The following ZNF382 variants were observed in gnomAD, a reference collection of about 807,000 sequenced individuals.
The protein encoded by ZNF382 is zinc finger protein 382.
A neutral mutation model predicts 38.8 loss-of-function variants in ZNF382; 20 were observed. The observed-to-expected ratio is 0.51, with a 90% CI of 0.36 to 0.75. The LOEUF is 0.75. Ranked by LOEUF, ZNF382 falls within the 30% of genes least tolerant of loss-of-function variation. The pLI is 0.00. For missense variants in ZNF382, 546 were observed against 654.1 expected (o/e 0.83, Z 1.80); for synonymous variants, 202 against 223.1 (o/e 0.91, Z 0.84).
chr19:36,610,812 A>T (rs1177999670), intron 4 of ZNF382, 70 bp downstream of exon 4: 36 of 1,215,726 alleles, frequency 3.0e-5, no homozygotes, highest in Non-Finnish European at 3.9e-5. Flanking sequence ...GTTTTTAGGG[A>T]TCTATTTTTG....
chr19:36,614,920 TTTC>T (rs2037111432), intron 4 of ZNF382, among the ~76,000 whole-genome samples: 1 of 57,514 alleles, frequency 1.7e-5, no homozygotes, highest in African/African-American at 7.7e-5. Flanking sequence ...TTTCCTTCCC[TTTC>T]CCTTTCCCTT....
rs925276045 is a variant in ZNF382 at position 36,628,592 on chromosome 19, T to C, written c.*1042T>C. ...AATGTAATAAACGTGACATTGCCGT[T>C]AGCCACAGTAAATGCCTTATTTGAA... On this transcript the variant is annotated 3_prime_UTR_variant, in exon 5 of 5. Transcript: ENST00000292928. The C allele has an allele frequency of 6.5e-6, 1 of 152,682 alleles. No homozygotes were observed. The highest frequency in any genetic ancestry group is 1.5e-5 in the Non-Finnish European group (1 of 68,054). The allele number at this position is 152,682 out of a possible 1,614,324, so 9.5% of individuals were successfully genotyped here. A position where few individuals can be genotyped will look rare whatever the true frequency, so the allele number is the denominator to read the frequency against.
chr19:36,629,928 A>C lies in ZNF382; in HGVS notation c.*2378A>C, dbSNP rs1298781053. 6.6e-6 allele frequency: 1 copy of C among 152,198 alleles called. No homozygotes were observed. The highest frequency in any genetic ancestry group is 1.5e-5 in the Non-Finnish European group (1 of 68,048). 9.4% of individuals were successfully genotyped at this position (152,198 alleles called of 1,614,324 possible). A position where few individuals can be genotyped will look rare whatever the true frequency, so the allele number is the denominator to read the frequency against. On this transcript the variant is annotated 3_prime_UTR_variant, in exon 5 of 5. Coordinates refer to ENST00000292928, the MANE Select transcript of ZNF382 (RefSeq NM_032825.5). The stretch of plus-strand genomic sequence containing the variant: ...TAACAGAGCGAGACCCTGTCTCATA[A>C]ATAAATAAATACATAAAGGTGTAAA...
intron 4 of ZNF382, among the ~76,000 whole-genome samples, chr19:36,621,792 T>A (rs1016104901): frequency 7.9e-5 from 12 of 152,212 alleles, no homozygotes; most frequent in African/African-American, 2.9e-4. Flanking sequence ...TTTAGTATCC[T>A]TGGGGATTTC....
chr19:36,612,245 A>C (rs2037083480), intron 4 of ZNF382, among the ~76,000 whole-genome samples: 1 of 151,974 alleles, frequency 6.6e-6, no homozygotes, highest in South Asian at 2.1e-4. Context: ...GCTTTCTTTC[A>C]CTCAGCTTCA....
rs1241394374 is a variant in ZNF382, at chr19:36,627,128, A to G, written c.1231A>G (p.Asn411Asp). Residue 411 changes from asparagine to aspartate, a missense_variant, in exon 5 of 5, where the codon AAT (asparagine) becomes GAT (aspartate). Coordinates refer to ENST00000292928, the MANE Select transcript of ZNF382 (RefSeq NM_032825.5). ...CACAGGAGAGAAACCGTATCAGTGTAATGAGTGTGGGAAGGCATTTATCCA... is the reference window on the plus strand; with the variant it reads ...CACAGGAGAGAAACCGTATCAGTGTGATGAGTGTGGGAAGGCATTTATCCA... Reference protein sequence around the residue: ...THTGEKPYQCNECGKAFIQKT... With the variant: ...THTGEKPYQCDECGKAFIQKT... The G allele has an allele frequency of 1.2e-6, 2 of 1,614,046 alleles. No homozygotes were observed. The highest frequency in any genetic ancestry group is 2.7e-5 in the African/African-American group (2 of 74,920).
rs371799404 is a variant in ZNF382, at chr19:36,610,733, A to G, written c.223A>G (p.Ser75Gly). The change falls in exon 4 of 5, where the codon AGC becomes GGC. Residue 75 changes from serine to glycine, a missense_variant. Coordinates refer to ENST00000292928, the MANE Select transcript of ZNF382 (RefSeq NM_032825.5). ...GACACAGAGAATTTTTCCAAGTTAC[A>G]GCTACCTAGGTGAGTCTATAAATGA... The part of the protein sequence containing the change: ...LWTQRIFPSY[S>G]YLEEDGKTED... 22 of 1,612,300 alleles carry G rather than the reference A, an allele frequency of 1.4e-5. No homozygotes were observed. The highest frequency in any genetic ancestry group is 1.6e-5 in the Non-Finnish European group (19 of 1,178,714).
At position 36,624,122 on chromosome 19, in the gene ZNF382, A is replaced by T. The variant is rs1363683703; in HGVS notation, c.233-2008A>T. On this transcript the variant is annotated intron_variant, in intron 4 of 4. Coordinates refer to ENST00000292928, the MANE Select transcript of ZNF382 (RefSeq NM_032825.5). ...AAAGGAAAGACTATGTGAAAACTTT[A>T]TGAAAAATCGGATAGTAGCATATAC... 5.9e-5 allele frequency among the ~76,000 whole-genome samples: 9 copies of T among 152,234 alleles called. No individual in the cohort carries two copies. The East Asian group carries it at 1.7e-3, about 29-fold the overall frequency.
chr19:36,606,434 C>A (rs1271898861), intron 1 of ZNF382, among the ~76,000 whole-genome samples: 2 of 151,620 alleles, frequency 1.3e-5, no homozygotes, highest in African/African-American at 4.8e-5. Flanking sequence ...CTGCTCACTG[C>A]CACCTCTACC....
Position 36,627,529 on chromosome 19 carries a change from A to G in ZNF382, c.1632A>G (p.Val544=). ...TTGTCCATCAGAAAACTCACAAGGT[A>G]GAAACCACGGGAATTCAGTAAGTAA... The part of the protein sequence containing the change: ...NLIVHQKTHK[V]ETTGIQ The change falls in exon 5 of 5, where the codon GTA becomes GTG. Residue 544 remains valine (V), a synonymous_variant. Coordinates refer to ENST00000292928, the MANE Select transcript of ZNF382 (RefSeq NM_032825.5). 6.2e-7 allele frequency: 1 copy of G among 1,610,986 alleles called. No homozygotes were observed. Among genetic ancestry groups the G allele is most frequent in the Non-Finnish European group, 8.5e-7 (1 of 1,177,406 alleles).
rs1213550652 is a variant in ZNF382 at position 36,631,937 on chromosome 19, A to C, written c.*4387A>C. The C allele has an allele frequency of 6.6e-6, 1 of 152,220 alleles. No homozygotes were observed. The highest frequency in any genetic ancestry group is 1.5e-5 in the Non-Finnish European group (1 of 68,048). 9.4% of individuals were successfully genotyped at this position (152,220 alleles called of 1,614,324 possible). A position where few individuals can be genotyped will look rare whatever the true frequency, so the allele number is the denominator to read the frequency against. On this transcript the variant is annotated 3_prime_UTR_variant, in exon 5 of 5. Coordinates refer to ENST00000292928, the MANE Select transcript of ZNF382 (RefSeq NM_032825.5). ...CATAAGGCATATGCAAAATGAGTTCATCAGTTCAGAGGACTAACAGGACTC... is the reference window on the plus strand; with the variant it reads ...CATAAGGCATATGCAAAATGAGTTCCTCAGTTCAGAGGACTAACAGGACTC...
At position 36,626,124 on chromosome 19, in the gene ZNF382, T is replaced by C; in HGVS notation, c.233-6T>C. 2.0e-6 allele frequency: 3 copies of C among 1,531,858 alleles called. No individual in the cohort carries two copies. The highest frequency in any genetic ancestry group is 2.6e-6 in the Non-Finnish European group (3 of 1,146,330). 94.9% of individuals were successfully genotyped at this position (1,531,858 alleles called of 1,614,324 possible). A position where few individuals can be genotyped will look rare whatever the true frequency, so the allele number is the denominator to read the frequency against. On this transcript the variant is annotated splice_region_variant and splice_polypyrimidine_tract_variant and intron_variant, in intron 4 of 4. Coordinates refer to ENST00000292928, the MANE Select transcript of ZNF382 (RefSeq NM_032825.5). ...GACTCACAGTGTTAATGGTATTCTT[T>C]TCTAGAAGAAGATGGGAAAACTGAA...
intron 4 of ZNF382, among the ~76,000 whole-genome samples, chr19:36,624,516 A>G (rs2037194478): frequency 6.6e-6 from 1 of 152,236 alleles, no homozygotes; most frequent in Non-Finnish European, 1.5e-5. Flanking sequence ...CAATAGTAAG[A>G]TATACAATAA....
At chr19:36,625,204 GAAT>G (rs2037202675) in intron 4 of ZNF382, among the ~76,000 whole-genome samples, 1 of 144,014 alleles carries the variant, frequency 6.9e-6, no homozygotes, top group Non-Finnish European at 1.5e-5. Context: ...TTCCTCATGG[GAAT>G]ATGTTTTCCA....
chr19:36,634,104 G>A lies in ZNF382; in HGVS notation c.*6554G>A, dbSNP rs2037271401. 6.6e-6 allele frequency: 1 copy of A among 152,066 alleles called. No individual in the cohort carries two copies. Among genetic ancestry groups the A allele is most frequent in the African/African-American group, 2.4e-5 (1 of 41,390 alleles). 9.4% of individuals were successfully genotyped at this position (152,066 alleles called of 1,614,324 possible). A position where few individuals can be genotyped will look rare whatever the true frequency, so the allele number is the denominator to read the frequency against. On this transcript the variant is annotated 3_prime_UTR_variant, in exon 5 of 5. Coordinates refer to ENST00000292928, the MANE Select transcript of ZNF382 (RefSeq NM_032825.5). ...TTTTTTAAATAAATAAAAATCCCTA[G>A]CTCTGCTTCATCAGCAGCAGTACCT... is the stretch of plus-strand genomic sequence containing the variant.
Position 36,629,161 on chromosome 19 carries a change from A to T in ZNF382, c.*1611A>T, listed in dbSNP as rs2037237617. 1 of 152,118 alleles carries T rather than the reference A, an allele frequency of 6.6e-6. No homozygotes were observed. Among genetic ancestry groups the T allele is most frequent in the Admixed American group, 6.6e-5 (1 of 15,238 alleles). 9.4% of individuals were successfully genotyped at this position (152,118 alleles called of 1,614,324 possible). Reference sequence around the variant, plus strand: ...TTTTTAGTAGAGACAGGGTTTCATCATGTTGGCCAGGCTGGTCTCGAACTC... The same window carrying T: ...TTTTTAGTAGAGACAGGGTTTCATCTTGTTGGCCAGGCTGGTCTCGAACTC... On this transcript the variant is annotated 3_prime_UTR_variant, in exon 5 of 5. Transcript: ENST00000292928.
At chr19:36,609,803 T>C in intron 2 of ZNF382, 99 bp from the exon 3 acceptor site, 1 of 1,065,486 alleles carries the variant, frequency 9.4e-7, no homozygotes, top group East Asian at 2.8e-5. Flanking sequence ...GAGAATTTTA[T>C]GCAATATAAA....
chr19:36,612,357 A>G lies in ZNF382; in HGVS notation c.232+1615A>G, dbSNP rs145379339. Among the ~76,000 whole-genome samples the G allele has an allele frequency of 1.1e-4, 17 of 152,346 alleles. No homozygotes were observed. The East Asian group carries it at 3.3e-3, about 29-fold the overall frequency. On this transcript the variant is annotated intron_variant, in intron 4 of 4. Coordinates refer to ENST00000292928, the MANE Select transcript of ZNF382 (RefSeq NM_032825.5). ...ATACCAGTTTATGCATCTCTTGTTG[A>G]AAGACATTTGGGATGTTTCTAGTTT...
chr19:36,633,868 G>T lies in ZNF382; in HGVS notation c.*6318G>T, dbSNP rs1265708590. ...TATGATTCCATTTATATGACATGCT[G>T]GAAAAGGTGAAAATATAACAACAGA... On this transcript the variant is annotated 3_prime_UTR_variant, in exon 5 of 5. Transcript: ENST00000292928. 1.3e-5 allele frequency: 2 copies of T among 152,146 alleles called. No individual in the cohort carries two copies. The highest frequency in any genetic ancestry group is 2.9e-5 in the Non-Finnish European group (2 of 68,044). 9.4% of individuals were successfully genotyped at this position (152,146 alleles called of 1,614,324 possible).
Sources: allele counts gnomAD v4.1 joint callset (sites outside exome capture counted in the v4.1 genomes callset), GRCh38; gene constraint gnomAD v4.1.1; transcripts MANE v1.5; gene names NCBI Gene and HGNC (gene_info 2026-07-23, HGNC 2026-07-21).